Variants in ADCY5 observed in about 807,000 individuals in gnomAD.
ADCY5 encodes the protein adenylate cyclase type 5.
ADCY5 carries 30 observed loss-of-function variants against 119.7 expected under a neutral mutation model. The observed-to-expected ratio is 0.25, with a 90% CI of 0.19 to 0.34. The LOEUF is 0.34. Among genes scored for constraint, ADCY5 ranks in the 10% least tolerant of loss-of-function variants. The pLI, the probability that ADCY5 is intolerant of heterozygous loss-of-function variation, is 1.00. For synonymous variants in ADCY5, 753 were observed against 762.2 expected, an observed-to-expected ratio of 0.99 and a Z score of 0.20; for missense variants, 1,324 against 1,775.2, an observed-to-expected ratio of 0.75 and a Z score of 4.57.
intron 11 of ADCY5, among the ~76,000 whole-genome samples, chr3:123,315,842 C>T (rs988385766): frequency 6.6e-6 from 1 of 152,176 alleles, no homozygotes; most frequent in African/African-American, 2.4e-5. Flanking sequence ...CCCTTGGCCT[C>T]CCAAAGCGCT....
chr3:123,342,312 G>C (rs907138512), intron 3 of ADCY5, among the ~76,000 whole-genome samples: 1 of 152,214 alleles, frequency 6.6e-6, no homozygotes, highest in Non-Finnish European at 1.5e-5. Flanking sequence ...CCAGACACCA[G>C]AGCAACCTGG....
At chr3:123,288,825 G>C (rs1938950332) in intron 19 of ADCY5, among the ~76,000 whole-genome samples, 1 of 152,188 alleles carries the variant, frequency 6.6e-6, no homozygotes, top group Non-Finnish European at 1.5e-5. Flanking sequence ...TTTTGAAACT[G>C]ATCCAGGACC....
intron 8 of ADCY5, among the ~76,000 whole-genome samples, chr3:123,321,652 G>A (rs1941225071): frequency 1.3e-5 from 2 of 152,184 alleles, no homozygotes; most frequent in Admixed American, 1.3e-4. Context: ...GCAGTGTGGA[G>A]CACTCTGCTG....
Position 123,304,073 on chromosome 3 carries a change from G to A in ADCY5, c.2553C>T (p.Val851=), listed in dbSNP as rs2108269928. The A allele has an allele frequency of 1.2e-6, 2 of 1,611,556 alleles. No individual in the cohort carries two copies. The highest frequency in any genetic ancestry group is 1.3e-5 in the African/African-American group (1 of 74,918). ...TITLVFLAAF[V]NMFTCNSRDL... is the part of the protein sequence containing the mutation. ...AGGTCGTGCAGCCACCCACCATGTT[G>A]ACAAAAGCCGCCAGGAACACCAGGG... The change falls in exon 13 of 21, where the codon GTC becomes GTT. Residue 851 remains valine, a synonymous_variant. Transcript: ENST00000462833.
intron 12 of ADCY5, among the ~76,000 whole-genome samples, chr3:123,305,317 C>T (rs147387154): frequency 2.6e-5 from 4 of 152,338 alleles, no homozygotes; most frequent in Non-Finnish European, 5.9e-5. Flanking sequence ...ATACTGACAG[C>T]ATCTGCAGTT....
intron 1 of ADCY5, among the ~76,000 whole-genome samples, chr3:123,422,909 T>C (rs1034053077): frequency 2.0e-5 from 3 of 152,172 alleles, no homozygotes; most frequent in Admixed American, 6.5e-5. Flanking sequence ...TACCACCCGA[T>C]AGGAGCGAGG....
At chr3:123,374,470 C>T (rs547823319) in intron 1 of ADCY5, among the ~76,000 whole-genome samples, 26 of 152,244 alleles carry the variant, frequency 1.7e-4, no homozygotes, top group African/African-American at 5.3e-4. Context: ...ATCTAATCCT[C>T]GGGACAACAC....
At chr3:123,326,927 A>G (rs1941519836) in intron 7 of ADCY5, among the ~76,000 whole-genome samples, 1 of 152,212 alleles carries the variant, frequency 6.6e-6, no homozygotes, top group Non-Finnish European at 1.5e-5. Flanking sequence ...ACTTCTTAGG[A>G]AGAGAAATGG....
intron 1 of ADCY5, among the ~76,000 whole-genome samples, chr3:123,439,587 CATA>C (rs1278152975): frequency 6.6e-6 from 1 of 152,082 alleles, no homozygotes; most frequent in Non-Finnish European, 1.5e-5. Flanking sequence ...AGGAAAAAAA[CATA>C]ATGTTATATA....
intron 1 of ADCY5, among the ~76,000 whole-genome samples, chr3:123,379,241 C>A (rs1474402856): frequency 1.3e-5 from 2 of 152,116 alleles, no homozygotes; most frequent in Non-Finnish European, 2.9e-5. Flanking sequence ...GGAACACAGG[C>A]CACTCGGAGG....
In ADCY5 at chr3:123,419,049, C is replaced by T. The variant is rs1945244343; in HGVS notation, c.1134+28363G>A. 19 of 729,140 alleles carry T rather than the reference C, an allele frequency of 2.6e-5. No individual in the cohort carries two copies. The South Asian group carries it at 9.9e-4, about 38-fold the overall frequency. The allele number at this position is 729,140 out of a possible 1,614,324, so 45.2% of individuals were successfully genotyped here. Reference sequence around the variant, plus strand: ...ACAACAGCTCATGGGTCTTCTCAGTCTCCGTAACGGCATGAGCCAATCCCC... The same window carrying T: ...ACAACAGCTCATGGGTCTTCTCAGTTTCCGTAACGGCATGAGCCAATCCCC... On this transcript the variant is annotated intron_variant, in intron 1 of 20. Transcript: ENST00000462833.
rs111909182 is a variant in ADCY5, at chr3:123,399,858, C to T, written c.1135-47277G>A. Among the ~76,000 whole-genome samples the T allele has an allele frequency of 3.1e-3, 479 of 152,264 alleles. 4 individuals carry two copies. The highest frequency in any genetic ancestry group is 0.011 in the African/African-American group (458 of 41,532). ...TTTTTGCATGAGTCAGTTCATGTAA[C>T]GACCCTGTGGAACATGCAAGTCGGG... is the stretch of plus-strand genomic sequence containing the variant. On this transcript the variant is annotated intron_variant, in intron 1 of 20. Coordinates refer to ENST00000462833, the MANE Select transcript of ADCY5 (RefSeq NM_183357.3).
At chr3:123,394,389 C>A (rs950810766) in intron 1 of ADCY5, among the ~76,000 whole-genome samples, 9 of 152,132 alleles carry the variant, frequency 5.9e-5, no homozygotes, top group Non-Finnish European at 1.5e-5. Context: ...ATCTATAGCA[C>A]AACTGAGAGC....
At chr3:123,309,442 T>A (rs1940421832) in intron 12 of ADCY5, among the ~76,000 whole-genome samples, 1 of 152,092 alleles carries the variant, frequency 6.6e-6, no homozygotes, top group African/African-American at 2.4e-5. Flanking sequence ...GAGGGGAGGC[T>A]CATGGGCTCT....
At position 123,439,076 on chromosome 3, in the gene ADCY5, C is replaced by T. The variant is rs866848207; in HGVS notation, c.1134+8336G>A. 4.3e-4 allele frequency among the ~76,000 whole-genome samples: 28 copies of T among 64,730 alleles called. 2 individuals carry two copies. Among genetic ancestry groups the T allele is most frequent in the East Asian group, 1.0e-3 (2 of 1,942 alleles). 42.5% of individuals were successfully genotyped at this position (64,730 alleles called of 152,430 possible). On this transcript the variant is annotated intron_variant, in intron 1 of 20. Coordinates refer to ENST00000462833, the MANE Select transcript of ADCY5 (RefSeq NM_183357.3). Reference sequence around the variant, plus strand: ...CCCACTGTGCCCAGACCCTAAAGTGCTTTTTTTTTTGAGATGGAGTCTCGC... The same window carrying T: ...CCCACTGTGCCCAGACCCTAAAGTGTTTTTTTTTTTGAGATGGAGTCTCGC...
intron 10 of ADCY5, among the ~76,000 whole-genome samples, chr3:123,318,875 T>G (rs1941065178): frequency 6.6e-6 from 1 of 152,204 alleles, no homozygotes; most frequent in African/African-American, 2.4e-5. Context: ...CACTCTGGGC[T>G]TTAGCTTTCT....
At chr3:123,305,529 A>G (rs1436244903) in intron 12 of ADCY5, among the ~76,000 whole-genome samples, 1 of 152,196 alleles carries the variant, frequency 6.6e-6, no homozygotes, top group Non-Finnish European at 1.5e-5. Flanking sequence ...GGCCCATCAC[A>G]TGGGACCTCA....
chr3:123,288,360 T>C (rs4678001), intron 19 of ADCY5, among the ~76,000 whole-genome samples: 99,369 of 152,172 alleles, frequency 0.65, 32,746 homozygotes, highest in East Asian at 0.82. Flanking sequence ...ATCTGAATCA[T>C]TGATGGCTTG....
intron 1 of ADCY5, among the ~76,000 whole-genome samples, chr3:123,427,936 CAAA>C (rs1001137311): frequency 6.6e-5 from 10 of 152,040 alleles, no homozygotes; most frequent in Non-Finnish European, 1.5e-4. Context: ...GGCACCTAGG[CAAA>C]GAGAGAACTG....
Sources: allele counts gnomAD v4.1 joint callset (sites outside exome capture counted in the v4.1 genomes callset), GRCh38; gene constraint gnomAD v4.1.1; transcripts MANE v1.5; gene names NCBI Gene and HGNC (gene_info 2026-07-23, HGNC 2026-07-21).